Variants in C7orf57 observed in about 807,000 individuals in gnomAD.
The protein encoded by C7orf57 is uncharacterized protein C7orf57.
In C7orf57, 33 loss-of-function variants were observed where a neutral mutation model predicts 39.0. The ratio of observed to expected loss-of-function variants is 0.85; its 90% CI spans 0.64 to 1.13. The LOEUF is 1.13. Ranked by LOEUF, C7orf57 falls within the 50% of genes most tolerant of loss-of-function variation. The pLI, the probability that C7orf57 is intolerant of heterozygous loss-of-function variation, is 0.00. For synonymous variants in C7orf57, 124 were observed against 137.1 expected, an observed-to-expected ratio of 0.90 and a Z score of 0.67; for missense variants, 346 against 362.3, an observed-to-expected ratio of 0.95 and a Z score of 0.37.
intron 2 of C7orf57, 80 bp downstream of exon 2, chr7:48,036,443 C>CGCT (rs1790366287): frequency 7.5e-7 from 1 of 1,337,918 alleles, no homozygotes; most frequent in African/African-American, 1.5e-5. Context: ...GTGGACCCAA[C>CGCT]GTCCTCTATG....
At chr7:48,042,000 A>C (rs1403558734) in intron 3 of C7orf57, among the ~76,000 whole-genome samples, 1 of 152,252 alleles carries the variant, frequency 6.6e-6, no homozygotes, top group Non-Finnish European at 1.5e-5. Flanking sequence ...CCAAATTTTG[A>C]TACATGATTT....
intron 2 of C7orf57, 75 bp from the exon 3 acceptor site, chr7:48,041,259 A>C: frequency 1.5e-6 from 2 of 1,365,982 alleles, no homozygotes; most frequent in Non-Finnish European, 2.0e-6. Context: ...GTCTGCATAG[A>C]GATACTCTGG....
chr7:48,044,463 T>C (rs1372994522), intron 4 of C7orf57, among the ~76,000 whole-genome samples: 2 of 152,146 alleles, frequency 1.3e-5, no homozygotes, highest in African/African-American at 4.8e-5. Flanking sequence ...TTTCTTTACC[T>C]CCCGCTTTTA....
At chr7:48,049,809 T>C (rs1790820422) in intron 5 of C7orf57, 71 bp from the exon 6 acceptor site, 3 of 1,112,938 alleles carry the variant, frequency 2.7e-6, no homozygotes, top group Admixed American at 1.9e-5. Context: ...TTTGCTACCA[T>C]TAGTGAGTTT....
At position 48,052,975 on chromosome 7, in the gene C7orf57, G is replaced by A. The variant is rs551486777; in HGVS notation, c.829+52G>A. 74 of 1,414,076 alleles carry A rather than the reference G, an allele frequency of 5.2e-5. No homozygotes were observed. In the South Asian group the frequency reaches 7.1e-4, roughly 14 times the overall value. The allele number at this position is 1,414,076 out of a possible 1,614,324, so 87.6% of individuals were successfully genotyped here. A position where few individuals can be genotyped will look rare whatever the true frequency, so the allele number is the denominator to read the frequency against. ...TATTGGAGGCTTGGTTAATTGTGAT[G>A]CAGCAGCTGACGTTCTTATCACATG... On this transcript the variant is annotated intron_variant, in intron 7 of 8. Coordinates refer to ENST00000348904, the MANE Select transcript of C7orf57 (RefSeq NM_001100159.3).
rs1358904208 is a variant in C7orf57 at position 48,052,935 on chromosome 7, G to A, written c.829+12G>A. On this transcript the variant is annotated intron_variant, in intron 7 of 8. Coordinates refer to ENST00000348904, the MANE Select transcript of C7orf57 (RefSeq NM_001100159.3). ...TGAGGACACCCCAGGTGAGGCACAA[G>A]CAGCCATCTGCATTTATTGGAGGCT... is the stretch of plus-strand genomic sequence containing the variant. The A allele has an allele frequency of 3.1e-6, 5 of 1,592,220 alleles. No homozygotes were observed. Among genetic ancestry groups the A allele is most frequent in the Non-Finnish European group, 4.3e-6 (5 of 1,161,110 alleles).
At chr7:48,057,363 C>T (rs1791145704) in intron 8 of C7orf57, among the ~76,000 whole-genome samples, 1 of 152,002 alleles carries the variant, frequency 6.6e-6, no homozygotes, top group South Asian at 2.1e-4. Context: ...AATTTACTCC[C>T]AAGTATTTTT....
chr7:48,051,790 C>CCT (rs1790914532), intron 6 of C7orf57, among the ~76,000 whole-genome samples: 1 of 66,848 alleles, frequency 1.5e-5, no homozygotes, highest in African/African-American at 5.7e-5. Flanking sequence ...TTCTTTCTTT[C>CCT]TTTCTTTCCT....
rs772159005 is a variant in C7orf57, at chr7:48,049,946, C to G, written c.574C>G (p.Pro192Ala). The G allele has an allele frequency of 6.2e-7, 1 of 1,613,042 alleles. No homozygotes were observed. The highest frequency in any genetic ancestry group is 1.1e-5 in the South Asian group (1 of 91,024). ...AGGCACCCCACTTGGCCCTAAGAAT[C>G]CTGCAGGAAGTAGACTCTCCTTCCC... ...KAGTPLGPKN[P>A]AGSRLSFPPV... Residue 192 changes from proline (P) to alanine (A), a missense_variant, in exon 6 of 9, where the codon CCT becomes GCT. By Grantham distance (27) the Pro-to-Ala change is conservative. Coordinates refer to ENST00000348904, the MANE Select transcript of C7orf57 (RefSeq NM_001100159.3).
At chr7:48,046,194 T>G (rs991897311) in intron 4 of C7orf57, among the ~76,000 whole-genome samples, 1 of 149,810 alleles carries the variant, frequency 6.7e-6, no homozygotes, top group African/African-American at 2.5e-5. Flanking sequence ...AGTGCTGATG[T>G]CAAGAGAGAC....
chr7:48,041,263 A>AACACCATCTAGGTAGAGGCCTAGAGGC, intron 2 of C7orf57, 71 bp from the exon 3 acceptor site: 1 of 1,384,544 alleles, frequency 7.2e-7, no homozygotes, highest in Non-Finnish European at 9.9e-7. Flanking sequence ...GCATAGAGAT[A>AACACCATCTAGGTAGAGGCCTAGAGGC]CTCTGGTAGA....
In C7orf57 at chr7:48,039,769, ACGTTCTGATAAGTG is replaced by A. The variant is rs1562622301; in HGVS notation, c.56-1564_56-1551del. 6.5e-4 allele frequency among the ~76,000 whole-genome samples: 98 copies of A among 151,920 alleles called. 1 individual carries two copies. Among genetic ancestry groups the A allele is most frequent in the African/African-American group, 2.1e-3 (87 of 41,362 alleles). ...CTGAACATACTGCCCCTGTGACAGT[ACGTTCTGATAAGTG>A]GTATTGAATAGAAGGGGATATTGTG... On this transcript the variant is annotated intron_variant, in intron 2 of 8. Coordinates refer to ENST00000348904, the MANE Select transcript of C7orf57 (RefSeq NM_001100159.3).
At position 48,035,747 on chromosome 7, in the gene C7orf57, C is replaced by T; in HGVS notation, c.-102+117C>T. 1.7e-6 allele frequency: 1 copy of T among 583,208 alleles called. No homozygotes were observed. Among genetic ancestry groups the T allele is most frequent in the South Asian group, 2.0e-5 (1 of 49,878 alleles). The allele number at this position is 583,208 out of a possible 1,614,324, so 36.1% of individuals were successfully genotyped here. A position where few individuals can be genotyped will look rare whatever the true frequency, so the allele number is the denominator to read the frequency against. Reference sequence around the variant, plus strand: ...GCCGGGGCTGGAGGGAGGGGACCACCTTGTCGCCGGGTTGGGATGAGCACA... The same window carrying T: ...GCCGGGGCTGGAGGGAGGGGACCACTTTGTCGCCGGGTTGGGATGAGCACA... On this transcript the variant is annotated intron_variant, in intron 1 of 8. Coordinates refer to ENST00000348904, the MANE Select transcript of C7orf57 (RefSeq NM_001100159.3). The surrounding 1 kb of genome is among the most constrained non-coding windows in gnomAD (Gnocchi z 4.0).
At chr7:48,047,926 A>C (rs1393154571) in intron 5 of C7orf57, among the ~76,000 whole-genome samples, 2 of 152,180 alleles carry the variant, frequency 1.3e-5, no homozygotes, top group Admixed American at 1.3e-4. Context: ...CAAGTGACCA[A>C]TTACACTGAG....
intron 7 of C7orf57, among the ~76,000 whole-genome samples, chr7:48,053,873 T>G (rs1791033586): frequency 6.6e-6 from 1 of 152,244 alleles, no homozygotes; most frequent in Non-Finnish European, 1.5e-5. Flanking sequence ...CATTTGCTTC[T>G]GGGAAACCTG....
Position 48,050,608 on chromosome 7 carries a change from G to A in C7orf57, c.605+631G>A, listed in dbSNP as rs187584889. 7.2e-5 allele frequency among the ~76,000 whole-genome samples: 11 copies of A among 152,298 alleles called. No homozygotes were observed. The East Asian group carries it at 2.1e-3, about 29-fold the overall frequency. On this transcript the variant is annotated intron_variant, in intron 6 of 8. Transcript: ENST00000348904. Reference sequence around the variant, plus strand: ...TACATTGCATTGTGACAAATGCCATGAGAGCACCAAGCTCAGAGGGAAATA... The same window carrying A: ...TACATTGCATTGTGACAAATGCCATAAGAGCACCAAGCTCAGAGGGAAATA...
At chr7:48,045,782 T>C (rs925916781) in intron 4 of C7orf57, among the ~76,000 whole-genome samples, 3 of 152,212 alleles carry the variant, frequency 2.0e-5, no homozygotes, top group African/African-American at 7.2e-5. Flanking sequence ...TTCAGGGATC[T>C]GAAGGCTGAA....
intron 2 of C7orf57, 28 bp from the exon 3 acceptor site, chr7:48,041,306 T>C: frequency 1.9e-6 from 3 of 1,588,786 alleles, no homozygotes; most frequent in Non-Finnish European, 1.7e-6. Context: ...ACAGCAACAG[T>C]GTGGCCCTCC....
In C7orf57 at chr7:48,041,366, G is replaced by A. The variant is rs761722347; in HGVS notation, c.88G>A (p.Glu30Lys). 7.4e-6 allele frequency: 12 copies of A among 1,613,886 alleles called. No individual in the cohort carries two copies. In the Admixed American group the frequency reaches 2.0e-4, roughly 27 times the overall value. ...WYYHVPVKRS[E>K]KAVDAPPASQ... is the part of the protein sequence containing the mutation. ...TTACCACGTCCCAGTGAAGCGCTCT[G>A]AGAAGGCCGTGGATGCCCCACCAGC... Residue 30 changes from glutamate to lysine, a missense_variant, in exon 3 of 9, where the codon GAG becomes AAG. Coordinates refer to ENST00000348904, the MANE Select transcript of C7orf57 (RefSeq NM_001100159.3).
Sources: gnomAD v4.1 joint callset for allele counts (sites outside exome capture counted in the v4.1 genomes callset) on GRCh38, gnomAD v4.1.1 for gene constraint, Gnocchi (gnomAD v3.1) non-coding constraint, MANE v1.5 for transcripts, NCBI Gene and HGNC (gene_info 2026-07-23, HGNC 2026-07-21) for gene names.